Variants in SMG6 observed in about 807,000 individuals in gnomAD.
SMG6 encodes the protein telomerase-binding protein EST1A.
In SMG6, 66 loss-of-function variants were observed where a neutral mutation model predicts 142.2. The observed-to-expected ratio is 0.46, with a 90% CI of 0.38 to 0.57. The LOEUF (loss-of-function observed/expected upper bound fraction) is 0.57, where lower values mean the gene tolerates loss of function less well. SMG6 is among the 20% of genes least tolerant of loss of function. The pLI, the probability that SMG6 is intolerant of heterozygous loss-of-function variation, is 0.00. For missense variants in SMG6, 1,793 were observed against 1,832.0 expected (o/e 0.98, Z 0.39); for synonymous variants, 779 against 702.4 (o/e 1.11, Z -1.72).
intron 14 of SMG6, among the ~76,000 whole-genome samples, chr17:2,083,763 G>A (rs547420981): frequency 2.6e-5 from 4 of 152,350 alleles, no homozygotes; most frequent in East Asian, 1.9e-4. Flanking sequence ...AGGTTATCAC[G>A]GGGCTTGAAG....
intron 8 of SMG6, among the ~76,000 whole-genome samples, chr17:2,267,406 C>A (rs928988273): frequency 5.3e-5 from 8 of 151,878 alleles, no homozygotes; most frequent in Non-Finnish European, 1.0e-4. Flanking sequence ...GTTGTCAAGG[C>A]TAGTCATGAA....
intron 8 of SMG6, among the ~76,000 whole-genome samples, chr17:2,278,541 A>G (rs1226135259): frequency 2.0e-5 from 3 of 152,206 alleles, no homozygotes; most frequent in Non-Finnish European, 4.4e-5. Flanking sequence ...TGTTGAGACA[A>G]TGAATTGTTA....
intron 13 of SMG6, among the ~76,000 whole-genome samples, chr17:2,104,027 C>A (rs1045275435): frequency 1.3e-5 from 2 of 151,776 alleles, no homozygotes. Flanking sequence ...TCTCAGCTCA[C>A]TGCAACCTCT....
intron 8 of SMG6, among the ~76,000 whole-genome samples, chr17:2,253,641 T>C (rs1380387920): frequency 6.6e-6 from 1 of 152,172 alleles, no homozygotes; most frequent in Non-Finnish European, 1.5e-5. Flanking sequence ...AATATTCTGA[T>C]ATCCACCCAC....
At chr17:2,250,565 T>C (rs948639360) in intron 8 of SMG6, among the ~76,000 whole-genome samples, 8 of 151,930 alleles carry the variant, frequency 5.3e-5, no homozygotes, top group African/African-American at 1.9e-4. Context: ...TTTTTTATTT[T>C]TTGTAGAGAC....
intron 8 of SMG6, among the ~76,000 whole-genome samples, chr17:2,269,491 A>AAC (rs796872900): frequency 6.6e-4 from 101 of 152,194 alleles, no homozygotes; most frequent in African/African-American, 2.2e-3. Flanking sequence ...AAGCAAATAC[A>AAC]ACAAGTTGAG....
intron 6 of SMG6, among the ~76,000 whole-genome samples, chr17:2,285,410 A>G (rs1331031933): frequency 6.6e-6 from 1 of 152,244 alleles, no homozygotes; most frequent in Non-Finnish European, 1.5e-5. Flanking sequence ...AGGTCTGTGA[A>G]AAAGAAAATT....
intron 13 of SMG6, chr17:2,101,422 A>C (rs1191020140): frequency 6.6e-6 from 1 of 152,166 alleles, no homozygotes; most frequent in Non-Finnish European, 1.5e-5. Context: ...TTTTCATGAT[A>C]CTTTTAGGAT....
chr17:2,222,558 G>C (rs1428439579), intron 10 of SMG6, among the ~76,000 whole-genome samples: 2 of 54,570 alleles, frequency 3.7e-5, no homozygotes, highest in African/African-American at 1.4e-4. Flanking sequence ...GCGGGGGGGG[G>C]GGGGGGGGGC....
rs546223163 is a variant in SMG6, at chr17:2,088,450, T to G, written c.3358-2549A>C. ...TCCCAGTTTTCATTTCCGCCCCATT[T>G]AGAAGGAAATTGGTTTCCTTGGGGA... On this transcript the variant is annotated intron_variant, in intron 13 of 18. Coordinates refer to ENST00000263073, the MANE Select transcript of SMG6 (RefSeq NM_017575.5). The G allele has an allele frequency of 5.4e-5, 53 of 985,390 alleles. No homozygotes were observed. The African/African-American group carries it at 8.7e-4, about 16-fold the overall frequency. The allele number at this position is 985,390 out of a possible 1,614,324, so 61.0% of individuals were successfully genotyped here.
chr17:2,075,249 G>A (rs2068225373), intron 15 of SMG6, among the ~76,000 whole-genome samples: 1 of 121,230 alleles, frequency 8.2e-6, no homozygotes, highest in African/African-American at 3.1e-5. Context: ...ATGGACGGCA[G>A]CTAAATTTAG....
At chr17:2,188,617 G>A in intron 10 of SMG6, 102 bp from the exon 11 acceptor site, 1 of 958,676 alleles carries the variant, frequency 1.0e-6, no homozygotes, top group South Asian at 1.5e-5. Context: ...ACTAGGGCTA[G>A]TGATATTCCC....
chr17:2,076,710 A>T (rs1597345463), intron 15 of SMG6, among the ~76,000 whole-genome samples: 2 of 152,090 alleles, frequency 1.3e-5, no homozygotes, highest in Non-Finnish European at 2.9e-5. Context: ...TGGGGAAGGG[A>T]AGGGGGGAAT....
At chr17:2,232,445 G>A (rs1597663580) in intron 10 of SMG6, among the ~76,000 whole-genome samples, 1 of 152,004 alleles carries the variant, frequency 6.6e-6, no homozygotes, top group Admixed American at 6.6e-5. Context: ...ACCAGCTTTG[G>A]ACCTGGTCCA....
chr17:2,191,288 G>A (rs2072154043), intron 10 of SMG6, among the ~76,000 whole-genome samples: 1 of 152,142 alleles, frequency 6.6e-6, no homozygotes, highest in Non-Finnish European at 1.5e-5. Flanking sequence ...CTCCCTGAAA[G>A]CATTCACCGT....
chr17:2,246,906 A>G (rs1457358900), intron 8 of SMG6, among the ~76,000 whole-genome samples: 1 of 152,206 alleles, frequency 6.6e-6, no homozygotes, highest in Non-Finnish European at 1.5e-5. Context: ...AGATCATACC[A>G]TTGCACTCCA....
rs1461918033 is a variant in SMG6, at chr17:2,061,567, C to T, written c.4185G>A (p.Leu1395=). Residue 1395 remains leucine, a synonymous_variant, in exon 19 of 19, where the codon CTG becomes CTA. Transcript: ENST00000263073. ...CATTCCTTGTGAGCGCCTTCACACG[C>T]AGGTTCCGGTCATCCGTCAACAGCA... ...EVVLLTDDRN[L]RVKALTRNVP... is the part of the protein sequence containing the mutation. 3.2e-6 allele frequency: 5 copies of T among 1,572,964 alleles called. No individual in the cohort carries two copies. In the South Asian group the frequency reaches 5.8e-5, roughly 18 times the overall value.
At chr17:2,120,238 T>C (rs1471620891) in intron 13 of SMG6, among the ~76,000 whole-genome samples, 1 of 152,218 alleles carries the variant, frequency 6.6e-6, no homozygotes, top group Admixed American at 6.5e-5. Context: ...CTTTTGCTTA[T>C]CAAAAGATAT....
intron 8 of SMG6, among the ~76,000 whole-genome samples, chr17:2,254,032 C>T (rs1191799960): frequency 6.6e-6 from 1 of 152,192 alleles, no homozygotes; most frequent in East Asian, 1.9e-4. Flanking sequence ...CTGTAACAAC[C>T]AACTCAAATG....
Sources: allele counts gnomAD v4.1 joint callset (sites outside exome capture counted in the v4.1 genomes callset), GRCh38; gene constraint gnomAD v4.1.1; transcripts MANE v1.5; gene names NCBI Gene and HGNC (gene_info 2026-07-23, HGNC 2026-07-21).